BCAR3: variants seen among roughly 807,000 people sequenced by gnomAD.
BCAR3 encodes breast cancer anti-estrogen resistance protein 3.
A neutral mutation model predicts 80.1 loss-of-function variants in BCAR3; 37 were observed. The ratio of observed to expected loss-of-function variants is 0.46; its 90% confidence interval spans 0.36 to 0.61. The LOEUF is 0.61. Among genes scored for constraint, BCAR3 ranks in the 20% least tolerant of loss-of-function variants. The probability of loss-of-function intolerance (pLI) is 0.00; values close to 1 mark genes in which losing one functional copy is unlikely to be tolerated. For synonymous variants in BCAR3, 389 were observed against 418.9 expected (o/e 0.93, Z 0.87); for missense variants, 978 against 1,068.2 (o/e 0.92, Z 1.18).
intron 2 of BCAR3, among the ~76,000 whole-genome samples, chr1:93,732,641 A>AAAAAG (rs771850315): frequency 5.9e-5 from 9 of 152,164 alleles, no homozygotes; most frequent in African/African-American, 2.2e-4. Flanking sequence ...AAACGAAAAG[A>AAAAAG]AAAAGAAAAG....
chr1:93,748,753 C>T (rs529245755), intron 2 of BCAR3, among the ~76,000 whole-genome samples: 20 of 152,274 alleles, frequency 1.3e-4, no homozygotes, highest in South Asian at 8.3e-4. Context: ...TCCATAGTGT[C>T]GCATGGCCTG....
intron 2 of BCAR3, among the ~76,000 whole-genome samples, chr1:93,647,853 A>G (rs1443398939): frequency 6.6e-6 from 1 of 151,734 alleles, no homozygotes; most frequent in Non-Finnish European, 1.5e-5. Flanking sequence ...GCTCACTGCA[A>G]CCTCTGCCTC....
intron 2 of BCAR3, among the ~76,000 whole-genome samples, chr1:93,749,749 A>C (rs374408761): frequency 6.6e-6 from 1 of 152,164 alleles, no homozygotes; most frequent in East Asian, 1.9e-4. Flanking sequence ...TAAATGTTTA[A>C]TTTCCACTCA....
At chr1:93,571,878 A>C in intron 8 of BCAR3, 37 bp from the exon 9 acceptor site, 2 of 1,593,488 alleles carry the variant, frequency 1.3e-6, no homozygotes, top group Non-Finnish European at 1.7e-6. Context: ...GTTCAGGGCC[A>C]ATGGGACTAG....
At chr1:93,735,761 G>C (rs1177531066) in intron 2 of BCAR3, among the ~76,000 whole-genome samples, 1 of 152,192 alleles carries the variant, frequency 6.6e-6, no homozygotes, top group East Asian at 1.9e-4. Flanking sequence ...TGATATTTTG[G>C]ACCAAGGCAG....
At chr1:93,654,546 C>T (rs1048975618) in intron 2 of BCAR3, among the ~76,000 whole-genome samples, 2 of 152,224 alleles carry the variant, frequency 1.3e-5, no homozygotes, top group Non-Finnish European at 2.9e-5. Flanking sequence ...CTAAGCCAGA[C>T]TTCTGACCTA....
In BCAR3 at chr1:93,562,288, G is replaced by C; in HGVS notation, c.2431C>G (p.Leu811Val). The change falls in exon 12 of 12, where the codon CTC (leucine) becomes GTC (valine). Residue 811 changes from leucine (L) to valine (V), a missense_variant. By Grantham distance (32) the Leu-to-Val change is conservative. Coordinates refer to ENST00000260502, the MANE Select transcript of BCAR3 (RefSeq NM_003567.4). ...YEKFNQILTALSRKLEPPPVK... is the reference protein window; with the variant it reads ...YEKFNQILTAVSRKLEPPPVK... The stretch of plus-strand genomic sequence containing the variant: ...GGAGGAGGTTCCAATTTACGCGAGA[G>C]GGCAGTTAAAATCTGGTTGAATTTC... 6.2e-7 allele frequency: 1 copy of C among 1,614,054 alleles called. No individual in the cohort carries two copies.
chr1:93,767,539 A>T (rs57665774), intron 2 of BCAR3, among the ~76,000 whole-genome samples: 17,617 of 151,696 alleles, frequency 0.12, 1,437 homozygotes, highest in African/African-American at 0.22. Flanking sequence ...AAAAAAAAAA[A>T]AGTTTATACT....
intron 2 of BCAR3, among the ~76,000 whole-genome samples, chr1:93,817,267 AGGGG>A (rs1429096347): frequency 2.6e-5 from 4 of 152,220 alleles, no homozygotes; most frequent in Non-Finnish European, 5.9e-5. Flanking sequence ...CAGGGGCTGA[AGGGG>A]GTCACCCCCA....
chr1:93,647,181 T>C (rs1676170601), intron 2 of BCAR3, among the ~76,000 whole-genome samples: 1 of 152,172 alleles, frequency 6.6e-6, no homozygotes, highest in South Asian at 2.1e-4. Flanking sequence ...AAAGAGGTAT[T>C]TTTGGTAAAG....
rs372692535 is a variant in BCAR3 at position 93,734,867 on chromosome 1, A to G, written c.-62-28725T>C. ...GCTTTCCTGTGGCTGACTCCTACTC[A>G]CCCTTCAGTTATCATACTAAATGTT... On this transcript the variant is annotated intron_variant, in intron 2 of 13. Transcript: ENST00000370244. Among the ~76,000 whole-genome samples, 39 of 152,120 alleles carry G rather than the reference A, an allele frequency of 2.6e-4. 3 individuals are homozygous for G. Among genetic ancestry groups the G allele is most frequent in the Admixed American group, 1.2e-3 (19 of 15,276 alleles).
At chr1:93,796,511 G>A (rs1239153984) in intron 2 of BCAR3, among the ~76,000 whole-genome samples, 8 of 150,190 alleles carry the variant, frequency 5.3e-5, no homozygotes, top group Admixed American at 4.0e-4. Context: ...CCCCTGCTTC[G>A]GCTCGCGCAC....
intron 2 of BCAR3, among the ~76,000 whole-genome samples, chr1:93,643,896 A>AT (rs1253243201): frequency 6.6e-6 from 1 of 152,216 alleles, no homozygotes; most frequent in Non-Finnish European, 1.5e-5. Flanking sequence ...ATCATGTTGT[A>AT]TATCTTGGAT....
chr1:93,783,622 C>T (rs17110469), intron 2 of BCAR3, among the ~76,000 whole-genome samples: 20,474 of 151,980 alleles, frequency 0.13, 2,142 homozygotes, highest in African/African-American at 0.28. Context: ...AAAATATAAG[C>T]GACTCATAAA....
At chr1:93,802,887 T>G (rs1447142056) in intron 2 of BCAR3, among the ~76,000 whole-genome samples, 1 of 152,110 alleles carries the variant, frequency 6.6e-6, no homozygotes. Context: ...TCCTTCCAAT[T>G]GTGCACATAA....
At chr1:93,611,352 A>G (rs1328174346) in intron 3 of BCAR3, among the ~76,000 whole-genome samples, 1 of 152,142 alleles carries the variant, frequency 6.6e-6, no homozygotes, top group Non-Finnish European at 1.5e-5. Context: ...CACCCATTCT[A>G]CATTCAACAC....
At chr1:93,611,027 TGTCCTCTGCG>T (rs1674933870) in intron 3 of BCAR3, among the ~76,000 whole-genome samples, 1 of 152,186 alleles carries the variant, frequency 6.6e-6, no homozygotes. Context: ...AGCCTTGGTG[TGTCCTCTGCG>T]GAAAGGGTAA....
intron 9 of BCAR3, among the ~76,000 whole-genome samples, chr1:93,569,996 A>G (rs988886305): frequency 6.6e-6 from 1 of 152,214 alleles, no homozygotes; most frequent in African/African-American, 2.4e-5. Flanking sequence ...TGAATGAAAA[A>G]ATGATAACCC....
intron 7 of BCAR3, 67 bp from the exon 8 acceptor site, chr1:93,576,196 T>C: frequency 8.1e-7 from 1 of 1,229,670 alleles, no homozygotes; most frequent in African/African-American, 1.5e-5. Context: ...GAATTCAGCA[T>C]ATGAGAAGAA....
Sources: gnomAD v4.1 joint callset for allele counts (sites outside exome capture counted in the v4.1 genomes callset) on GRCh38, gnomAD v4.1.1 for gene constraint, MANE v1.5 for transcripts, NCBI Gene and HGNC (gene_info 2026-07-23, HGNC 2026-07-21) for gene names.